The following KCNIP3 variants were observed in gnomAD, a reference collection of about 807,000 sequenced individuals.
KCNIP3 encodes potassium voltage-gated channel interacting protein 3.
KCNIP3 carries 28 observed loss-of-function variants against 35.0 expected under a neutral mutation model. That is an observed-to-expected ratio of 0.80 (90% CI 0.59 to 1.10). The LOEUF is 1.10. Ranked by LOEUF, KCNIP3 falls within the 50% of genes least tolerant of loss-of-function variation. KCNIP3 has a pLI of 0.00. For synonymous variants in KCNIP3, 134 were observed against 133.8 expected, an observed-to-expected ratio of 1.00 and a Z score of -0.01; for missense variants, 295 against 338.4, an observed-to-expected ratio of 0.87 and a Z score of 1.01.
chr2:95,369,339 T>C (rs1423791538), intron 2 of KCNIP3, among the ~76,000 whole-genome samples: 1 of 152,208 alleles, frequency 6.6e-6, no homozygotes, highest in Non-Finnish European at 1.5e-5. Context: ...TTCTTTTTAT[T>C]CATCAAAGGA....
At chr2:95,322,526 C>T (rs1678621388) in intron 2 of KCNIP3, among the ~76,000 whole-genome samples, 1 of 152,132 alleles carries the variant, frequency 6.6e-6, no homozygotes, top group Non-Finnish European at 1.5e-5. Flanking sequence ...CAAATGCGCA[C>T]AGTGGAGAGT....
intron 2 of KCNIP3, among the ~76,000 whole-genome samples, chr2:95,364,484 C>T (rs56303030): frequency 6.6e-6 from 1 of 152,110 alleles, no homozygotes; most frequent in Admixed American, 6.5e-5. Flanking sequence ...TTTGTCCCCC[C>T]CCACATCTCA....
chr2:95,380,394 C>G (rs1162857393), intron 5 of KCNIP3, among the ~76,000 whole-genome samples: 15 of 152,220 alleles, frequency 9.9e-5, no homozygotes, highest in Non-Finnish European at 1.2e-4. Flanking sequence ...TCCCGAAAAT[C>G]TAACACTTGA....
intron 2 of KCNIP3, among the ~76,000 whole-genome samples, chr2:95,363,263 C>A (rs1400341351): frequency 6.6e-6 from 1 of 152,158 alleles, no homozygotes; most frequent in South Asian, 2.1e-4. Context: ...ACATTGGGGT[C>A]TCTAATGCAC....
intron 1 of KCNIP3, 142 bp downstream of exon 1, chr2:95,297,595 C>A: frequency 1.4e-6 from 1 of 713,072 alleles, no homozygotes; most frequent in South Asian, 1.9e-5. Flanking sequence ...GGAAAGTGAG[C>A]GTTGGGGCGT....
chr2:95,317,506 C>T (rs1304732561), intron 2 of KCNIP3, among the ~76,000 whole-genome samples: 1 of 152,112 alleles, frequency 6.6e-6, no homozygotes, highest in African/African-American at 2.4e-5. Context: ...TGAGTGCACT[C>T]TGGCTGCCCC....
intron 2 of KCNIP3, among the ~76,000 whole-genome samples, chr2:95,342,881 G>C (rs945031844): frequency 6.6e-6 from 1 of 152,210 alleles, no homozygotes; most frequent in Non-Finnish European, 1.5e-5. Context: ...ACTGAGGCTG[G>C]GAAAGGAAAT....
intron 2 of KCNIP3, among the ~76,000 whole-genome samples, chr2:95,360,281 A>C (rs918687869): frequency 1.3e-5 from 2 of 152,000 alleles, no homozygotes; most frequent in Non-Finnish European, 2.9e-5. Flanking sequence ...CACTATAAGG[A>C]TGGGCTTTTC....
intron 2 of KCNIP3, among the ~76,000 whole-genome samples, chr2:95,322,756 A>G (rs974130235): frequency 1.1e-4 from 16 of 152,196 alleles, no homozygotes; most frequent in African/African-American, 3.6e-4. Flanking sequence ...CACAGGGGCC[A>G]GGGAGCCTGG....
At chr2:95,364,121 A>G (rs1679862796) in intron 2 of KCNIP3, among the ~76,000 whole-genome samples, 1 of 152,208 alleles carries the variant, frequency 6.6e-6, no homozygotes, top group African/African-American at 2.4e-5. Flanking sequence ...CATTAAATCC[A>G]ATATTTTCTG....
In KCNIP3 at chr2:95,378,451, T is replaced by C. The variant is rs561920805; in HGVS notation, c.448-3145T>C. On this transcript the variant is annotated intron_variant, in intron 5 of 8. Transcript: ENST00000295225. The surrounding 1 kb of genome is among the most constrained non-coding windows in gnomAD (Gnocchi z 4.0). ...GTGTTGCTTCTTTAAAATATTTTCATTGGCCGGGCTCGGTGGCTCACGCCT... is the reference window on the plus strand; with the variant it reads ...GTGTTGCTTCTTTAAAATATTTTCACTGGCCGGGCTCGGTGGCTCACGCCT... 1.6e-4 allele frequency among the ~76,000 whole-genome samples: 25 copies of C among 151,990 alleles called. No homozygotes were observed. Among genetic ancestry groups the C allele is most frequent in the Non-Finnish European group, 1.6e-4 (11 of 67,990 alleles).
At position 95,343,500 on chromosome 2, in the gene KCNIP3, G is replaced by A. The variant is rs559725175; in HGVS notation, c.182-30796G>A. ...GACCAGTGTGCTGAGCTGTTTTCACGGAATGGGTCCCTCAAACAGCATGCA... is the reference window on the plus strand; with the variant it reads ...GACCAGTGTGCTGAGCTGTTTTCACAGAATGGGTCCCTCAAACAGCATGCA... On this transcript the variant is annotated intron_variant, in intron 2 of 8. Transcript: ENST00000295225. Among the ~76,000 whole-genome samples, 8 of 152,262 alleles carry A rather than the reference G, an allele frequency of 5.3e-5. No homozygotes were observed. In the East Asian group the frequency reaches 9.7e-4, roughly 18 times the overall value.
At chr2:95,373,547 C>T (rs1351541867) in intron 2 of KCNIP3, among the ~76,000 whole-genome samples, 3 of 151,686 alleles carry the variant, frequency 2.0e-5, no homozygotes, top group Middle Eastern at 6.8e-3. Flanking sequence ...CTCAGCCTCC[C>T]GAGTAGCTGG....
At chr2:95,313,369 AC>A in intron 2 of KCNIP3, 1 of 152,250 alleles carries the variant, frequency 6.6e-6, no homozygotes, top group Non-Finnish European at 1.5e-5. Flanking sequence ...GGGTGTGAAG[AC>A]CCCAGGATGG....
chr2:95,378,004 C>A lies in KCNIP3; in HGVS notation c.447+2796C>A, dbSNP rs1346234640. 6.6e-6 allele frequency among the ~76,000 whole-genome samples: 1 copy of A among 152,206 alleles called. No individual in the cohort carries two copies. The highest frequency in any genetic ancestry group is 2.4e-5 in the African/African-American group (1 of 41,446). ...ACGCCTTTGCTACCCACTAGGAAGG[C>A]CTGTCTGACCCAGGGCTTCAGGGAT... On this transcript the variant is annotated intron_variant, in intron 5 of 8. Coordinates refer to ENST00000295225, the MANE Select transcript of KCNIP3 (RefSeq NM_013434.5). The surrounding 1 kb of genome is among the most constrained non-coding windows in gnomAD (Gnocchi z 4.0).
chr2:95,304,980 T>C (rs1393203491), intron 1 of KCNIP3, among the ~76,000 whole-genome samples: 5 of 152,180 alleles, frequency 3.3e-5, no homozygotes, highest in Admixed American at 1.3e-4. Flanking sequence ...TTGAGAAGGC[T>C]GCAGGTCCCC....
At chr2:95,373,445 T>C (rs1173507880) in intron 2 of KCNIP3, among the ~76,000 whole-genome samples, 3 of 112,442 alleles carry the variant, frequency 2.7e-5, no homozygotes, top group African/African-American at 1.0e-4. Flanking sequence ...TTTTTTGAGA[T>C]GCAGTCTTGC....
chr2:95,358,820 A>G (rs1337401601), intron 2 of KCNIP3, among the ~76,000 whole-genome samples: 6 of 152,192 alleles, frequency 3.9e-5, no homozygotes, highest in Non-Finnish European at 5.9e-5. Context: ...GAGCCCTCGT[A>G]AACTAAACAT....
chr2:95,350,097 A>G (rs919627509), intron 2 of KCNIP3, among the ~76,000 whole-genome samples: 1 of 152,138 alleles, frequency 6.6e-6, no homozygotes, highest in African/African-American at 2.4e-5. Flanking sequence ...GCGTTCCCAA[A>G]GTGTTCAAAG....
Sources: gnomAD v4.1 joint callset for allele counts (sites outside exome capture counted in the v4.1 genomes callset) on GRCh38, gnomAD v4.1.1 for gene constraint, Gnocchi (gnomAD v3.1) non-coding constraint, MANE v1.5 for transcripts, NCBI Gene and HGNC (gene_info 2026-07-23, HGNC 2026-07-21) for gene names.